Variants in COL4A2 observed in about 807,000 individuals in gnomAD.
COL4A2 encodes collagen type IV alpha 2 chain.
Under a neutral mutation model 200.2 loss-of-function variants are expected in COL4A2, and 99 were observed. That is an observed-to-expected ratio of 0.49 (90% confidence interval 0.42 to 0.58). COL4A2 has a LOEUF of 0.58. COL4A2 is among the 20% of genes least tolerant of loss of function. COL4A2 has a pLI of 0.00. For missense variants in COL4A2, 1,950 were observed against 2,314.1 expected (o/e 0.84, Z 3.23); for synonymous variants, 897 against 900.6 (o/e 1.00, Z 0.07).
chr13:110,380,307 A>G (rs932489617), intron 4 of COL4A2, among the ~76,000 whole-genome samples: 1 of 152,202 alleles, frequency 6.6e-6, no homozygotes, highest in African/African-American at 2.4e-5. Flanking sequence ...TTCTCCCACC[A>G]GCATGGACAT....
chr13:110,389,315 A>G (rs1878894852), intron 4 of COL4A2, among the ~76,000 whole-genome samples: 1 of 152,084 alleles, frequency 6.6e-6, no homozygotes. Context: ...ACCCTTTTCT[A>G]TAAAGTAGTG....
intron 3 of COL4A2, among the ~76,000 whole-genome samples, chr13:110,318,319 G>T (rs188998544): frequency 6.8e-6 from 1 of 147,514 alleles, no homozygotes; most frequent in Non-Finnish European, 1.5e-5. Context: ...TGTGCGCGCG[G>T]GTATGGTTTG....
At chr13:110,308,013 G>A in intron 2 of COL4A2, 56 bp from the exon 3 acceptor site, 1 of 1,611,200 alleles carries the variant, frequency 6.2e-7, no homozygotes, top group Non-Finnish European at 8.5e-7. Flanking sequence ...TAACTCTCGG[G>A]GACTGACAAG....
At chr13:110,337,904 C>G (rs1332691605) in intron 3 of COL4A2, among the ~76,000 whole-genome samples, 1 of 152,200 alleles carries the variant, frequency 6.6e-6, no homozygotes. Context: ...CATATATTCA[C>G]TAAATGAACA....
In COL4A2 at chr13:110,469,284, G is replaced by T. The variant is rs780786567; in HGVS notation, c.2163G>T (p.Leu721Phe). Residue 721 changes from leucine (L) to phenylalanine (F), a missense_variant, in exon 28 of 48, where the codon TTG (leucine) becomes TTT (phenylalanine). Around this residue, in one of 2 missense-constraint regions of COL4A2, gnomAD observed 1,385 missense variants for 1,720.5 expected, o/e 0.80. Transcript: ENST00000360467. ...GADGGPGPRGLPGDAGREGFP... is the reference protein window; with the variant it reads ...GADGGPGPRGFPGDAGREGFP... ...ATGGAGGACCAGGGCCCAGGGGCTT[G>T]CCAGGAGACGCAGGTCGTGAAGGGT... is the stretch of plus-strand genomic sequence containing the variant. 3 of 1,601,342 alleles carry T rather than the reference G, an allele frequency of 1.9e-6. No homozygotes were observed. Among genetic ancestry groups the T allele is most frequent in the South Asian group, 2.3e-5 (2 of 88,204 alleles).
chr13:110,387,099 C>T (rs564122975), intron 4 of COL4A2, among the ~76,000 whole-genome samples: 7 of 152,108 alleles, frequency 4.6e-5, no homozygotes, highest in South Asian at 2.1e-4. Flanking sequence ...GTTAGCTGGC[C>T]GTGGTGGCGG....
At chr13:110,335,084 C>T (rs1014681189) in intron 3 of COL4A2, among the ~76,000 whole-genome samples, 11 of 152,100 alleles carry the variant, frequency 7.2e-5, no homozygotes, top group Admixed American at 5.2e-4. Context: ...CAGCCTGTGT[C>T]ACACTTCTCA....
At chr13:110,438,547 G>A in intron 14 of COL4A2, 71 bp from the exon 15 acceptor site, 1 of 1,576,286 alleles carries the variant, frequency 6.3e-7, no homozygotes, top group Non-Finnish European at 8.7e-7. Flanking sequence ...AGCAGAGGAT[G>A]ACACGTGGGC....
rs574651773 is a variant in COL4A2 at position 110,498,951 on chromosome 13, C to T, written c.3761-2717C>T. On this transcript the variant is annotated intron_variant, in intron 40 of 47. Coordinates refer to ENST00000360467, the MANE Select transcript of COL4A2 (RefSeq NM_001846.4). Reference sequence around the variant, plus strand: ...CCCCACCCTCGACCTGCATGAACGTCACAGTGGGCCCATGAGCTGATGACT... The same window carrying T: ...CCCCACCCTCGACCTGCATGAACGTTACAGTGGGCCCATGAGCTGATGACT... Among the ~76,000 whole-genome samples, 13 of 152,328 alleles carry T rather than the reference C, an allele frequency of 8.5e-5. 1 individual carries two copies. The highest frequency in any genetic ancestry group is 2.4e-4 in the African/African-American group (10 of 41,582).
intron 16 of COL4A2, among the ~76,000 whole-genome samples, chr13:110,443,164 A>G (rs1881196740): frequency 6.6e-6 from 1 of 152,172 alleles, no homozygotes; most frequent in East Asian, 1.9e-4. Flanking sequence ...TTAGTCTTTT[A>G]TACTAAATCG....
chr13:110,505,246 A>C (rs922556062), intron 45 of COL4A2, among the ~76,000 whole-genome samples: 4 of 152,034 alleles, frequency 2.6e-5, no homozygotes, highest in Non-Finnish European at 5.9e-5. Flanking sequence ...GCTACTCGGG[A>C]GGCTGAGGCA....
At chr13:110,374,822 A>C (rs7328815) in intron 4 of COL4A2, among the ~76,000 whole-genome samples, 7,431 of 152,238 alleles carry the variant, frequency 0.049, 440 homozygotes, top group African/African-American at 0.14. Flanking sequence ...TAGTTTCATT[A>C]AGTGGATAGT....
intron 4 of COL4A2, among the ~76,000 whole-genome samples, chr13:110,418,458 T>C (rs972823553): frequency 6.6e-6 from 1 of 152,244 alleles, no homozygotes; most frequent in Non-Finnish European, 1.5e-5. Context: ...TTTTCCCCTG[T>C]GTTTTCTTCT....
chr13:110,403,759 G>C (rs1215158886), intron 4 of COL4A2, among the ~76,000 whole-genome samples: 1 of 152,044 alleles, frequency 6.6e-6, no homozygotes, highest in Non-Finnish European at 1.5e-5. Context: ...TTAAGTATTT[G>C]TTACCCCAGC....
chr13:110,437,933 C>G (rs574152573), intron 13 of COL4A2, 69 bp from the exon 14 acceptor site: 7 of 1,239,446 alleles, frequency 5.6e-6, no homozygotes, highest in South Asian at 2.4e-5. Context: ...TGTCATGAAC[C>G]CTGATTGATT....
chr13:110,339,764 A>T (rs1428668781), intron 3 of COL4A2, among the ~76,000 whole-genome samples: 1 of 152,196 alleles, frequency 6.6e-6, no homozygotes, highest in Non-Finnish European at 1.5e-5. Flanking sequence ...GTGGGAGGAA[A>T]AAATCAAAGA....
rs1448073289 is a variant in COL4A2 at position 110,507,920 on chromosome 13, C to A, written c.4595-15C>A. The A allele has an allele frequency of 6.2e-7, 1 of 1,611,594 alleles. No homozygotes were observed. Among genetic ancestry groups the A allele is most frequent in the Admixed American group, 1.7e-5 (1 of 59,990 alleles). On this transcript the variant is annotated splice_polypyrimidine_tract_variant and intron_variant, in intron 46 of 47. Transcript: ENST00000360467. ...GCCACACTGCACTGTGATCTCATGA[C>A]CCCTCCTTCCACAGGGCTGGCGGGC...
chr13:110,343,796 A>G (rs941238264), intron 3 of COL4A2, among the ~76,000 whole-genome samples: 1 of 152,208 alleles, frequency 6.6e-6, no homozygotes, highest in Non-Finnish European at 1.5e-5. Flanking sequence ...CTTTCATTCC[A>G]TGCTTTTCAG....
intron 3 of COL4A2, among the ~76,000 whole-genome samples, chr13:110,327,941 A>G (rs988541914): frequency 6.6e-6 from 1 of 152,242 alleles, no homozygotes; most frequent in Non-Finnish European, 1.5e-5. Context: ...ATAAGTTTTT[A>G]TCATATTTTC....
Sources: allele counts gnomAD v4.1 joint callset (sites outside exome capture counted in the v4.1 genomes callset), GRCh38; gene constraint gnomAD v4.1.1; regional missense constraint gnomAD v4.1.1; transcripts MANE v1.5; gene names NCBI Gene and HGNC (gene_info 2026-07-23, HGNC 2026-07-21).